Variants in CAMTA1 observed in about 807,000 individuals in gnomAD.
CAMTA1 encodes calmodulin binding transcription activator 1, also known as calmodulin-binding transcription activator 1.
Under a neutral mutation model 170.9 loss-of-function variants are expected in CAMTA1, and 27 were observed. The ratio of observed to expected loss-of-function variants is 0.16; its 90% CI spans 0.12 to 0.22. The LOEUF (loss-of-function observed/expected upper bound fraction) is 0.22, where lower values mean the gene tolerates loss of function less well. Ranked by LOEUF, CAMTA1 falls within the 10% of genes least tolerant of loss-of-function variation. CAMTA1 has a pLI of 1.00. For missense variants in CAMTA1, 1,619 were observed against 2,217.2 expected (o/e 0.73, Z 5.42); for synonymous variants, 833 against 891.5 (o/e 0.93, Z 1.17).
chr1:7,195,163 A>G lies in CAMTA1; in HGVS notation c.303-54328A>G, dbSNP rs1187437976. Among the ~76,000 whole-genome samples the G allele has an allele frequency of 6.6e-6, 1 of 152,192 alleles. No homozygotes were observed. The highest frequency in any genetic ancestry group is 2.4e-5 in the African/African-American group (1 of 41,448). On this transcript the variant is annotated intron_variant, in intron 4 of 22. Coordinates refer to ENST00000303635, the MANE Select transcript of CAMTA1 (RefSeq NM_015215.4). The surrounding 1 kb of genome is among the most constrained non-coding windows in gnomAD (Gnocchi z 4.1). ...CAGCAGGCGAGGTTTTCTGTCGTCC[A>G]GCACGTGCAAGAGAAGGGCTGGGCA... is the stretch of plus-strand genomic sequence containing the variant.
chr1:6,923,179 G>A (rs982677508), intron 3 of CAMTA1, among the ~76,000 whole-genome samples: 8 of 152,176 alleles, frequency 5.3e-5, no homozygotes, highest in Non-Finnish European at 1.5e-5. Context: ...TTGTGCACTT[G>A]TTGAGCGCTT....
chr1:7,495,671 A>C (rs72642898), intron 6 of CAMTA1, among the ~76,000 whole-genome samples: 4 of 152,344 alleles, frequency 2.6e-5, no homozygotes, highest in Non-Finnish European at 4.4e-5. Context: ...TTCCAGGCAA[A>C]GAAGGATCCA....
rs1558064120 is a variant in CAMTA1, at chr1:7,655,114, CTAT to C, written c.665-6611_665-6609del. On this transcript the variant is annotated intron_variant, in intron 7 of 22. Transcript: ENST00000303635. ...TATACACACACACCTATACACACAC[CTAT>C]ACACACACCTCTATACACACAAACC... Among the ~76,000 whole-genome samples, 17 of 22,940 alleles carry C rather than the reference CTAT, an allele frequency of 7.4e-4. 1 individual carries two copies. Among genetic ancestry groups the C allele is most frequent in the East Asian group, 8.2e-3 (2 of 244 alleles). The allele number at this position is 22,940 out of a possible 152,430, so 15.0% of individuals were successfully genotyped here. A position where few individuals can be genotyped will look rare whatever the true frequency, so the allele number is the denominator to read the frequency against.
At chr1:6,920,411 C>G (rs978744646) in intron 3 of CAMTA1, among the ~76,000 whole-genome samples, 1 of 152,216 alleles carries the variant, frequency 6.6e-6, no homozygotes, top group Non-Finnish European at 1.5e-5. Context: ...TCCCTCCTTG[C>G]TACTTTCACA....
intron 4 of CAMTA1, among the ~76,000 whole-genome samples, chr1:7,139,489 G>T (rs76769298): frequency 2.6e-5 from 4 of 151,708 alleles, no homozygotes; most frequent in Admixed American, 2.6e-4. Flanking sequence ...TTTTCCAGGG[G>T]CATGTTTGCT....
At chr1:6,852,208 T>G (rs933160848) in intron 3 of CAMTA1, among the ~76,000 whole-genome samples, 26 of 152,074 alleles carry the variant, frequency 1.7e-4, no homozygotes, top group African/African-American at 6.0e-4. Context: ...AGGACAAAAT[T>G]ATCACTTCTT....
rs112074994 is a variant in CAMTA1, at chr1:7,224,663, C to T, written c.303-24828C>T. Among the ~76,000 whole-genome samples, 4 of 152,186 alleles carry T rather than the reference C, an allele frequency of 2.6e-5. No homozygotes were observed. The highest frequency in any genetic ancestry group is 9.6e-5 in the African/African-American group (4 of 41,524). ...TGGAGGCGTGACACCCGCGCCTCTCCGCTGGTGTCATTGATTGCTAAGGGC... is the reference window on the plus strand; with the variant it reads ...TGGAGGCGTGACACCCGCGCCTCTCTGCTGGTGTCATTGATTGCTAAGGGC... On this transcript the variant is annotated intron_variant, in intron 4 of 22. Transcript: ENST00000303635. This position sits in a 1 kb window ranked among gnomAD's most constrained non-coding sequence, Gnocchi z 5.2.
chr1:7,634,292 G>C lies in CAMTA1; in HGVS notation c.511-6108G>C, dbSNP rs756358202. On this transcript the variant is annotated intron_variant, in intron 6 of 22. Transcript: ENST00000303635. The surrounding 1 kb of genome is among the most constrained non-coding windows in gnomAD (Gnocchi z 6.2). ...GGTGGGAGAAATGGCAGAACTGGGT[G>C]ATCGACTGGCCGTTGAGGGAGAGGG... 1.3e-5 allele frequency among the ~76,000 whole-genome samples: 2 copies of C among 152,134 alleles called. No individual in the cohort carries two copies. The highest frequency in any genetic ancestry group is 2.9e-5 in the Non-Finnish European group (2 of 68,022).
intron 6 of CAMTA1, among the ~76,000 whole-genome samples, chr1:7,615,502 G>A (rs980118162): frequency 5.9e-5 from 9 of 152,210 alleles, no homozygotes; most frequent in African/African-American, 2.2e-4. Flanking sequence ...AAGCATTCCC[G>A]GAGCTGTTAA....
At chr1:7,590,576 C>CA (rs2095348098) in intron 6 of CAMTA1, among the ~76,000 whole-genome samples, 1 of 152,242 alleles carries the variant, frequency 6.6e-6, no homozygotes, top group Non-Finnish European at 1.5e-5. Context: ...GAGGTGCCCC[C>CA]ACCCACTAGC....
chr1:7,285,002 A>G (rs1440814772), intron 5 of CAMTA1, among the ~76,000 whole-genome samples: 2 of 152,096 alleles, frequency 1.3e-5, no homozygotes, highest in African/African-American at 2.4e-5. Context: ...TGGGAAACCC[A>G]TTGGTTTCCA....
At chr1:7,365,427 G>C (rs950589470) in intron 5 of CAMTA1, among the ~76,000 whole-genome samples, 2 of 152,112 alleles carry the variant, frequency 1.3e-5, no homozygotes, top group African/African-American at 4.8e-5. Flanking sequence ...CTCCTGTTCT[G>C]ATTAAAACCT....
chr1:7,420,175 T>C (rs1480447415), intron 5 of CAMTA1, among the ~76,000 whole-genome samples: 1 of 152,038 alleles, frequency 6.6e-6, no homozygotes, highest in Non-Finnish European at 1.5e-5. Context: ...TCCTTTGGCC[T>C]TCACACTCAC....
At chr1:7,245,201 G>A (rs199587933) in intron 4 of CAMTA1, among the ~76,000 whole-genome samples, 3,885 of 147,070 alleles carry the variant, frequency 0.026, 56 homozygotes, top group Middle Eastern at 0.051. Context: ...ATGTGTGTGT[G>A]TATATATATA....
chr1:7,155,677 T>C (rs1186539371), intron 4 of CAMTA1, among the ~76,000 whole-genome samples: 1 of 151,972 alleles, frequency 6.6e-6, no homozygotes, highest in Non-Finnish European at 1.5e-5. Flanking sequence ...GTGATCCTCC[T>C]ACCTCAGCCT....
chr1:7,226,666 A>G (rs572324796), intron 4 of CAMTA1, among the ~76,000 whole-genome samples: 8 of 152,300 alleles, frequency 5.3e-5, no homozygotes, highest in East Asian at 1.9e-4. Flanking sequence ...GAAGAATTCT[A>G]TAGAAATGAG....
chr1:6,885,859 C>T (rs1673065611), intron 3 of CAMTA1, among the ~76,000 whole-genome samples: 1 of 152,162 alleles, frequency 6.6e-6, no homozygotes, highest in African/African-American at 2.4e-5. Context: ...CTGTTCCCTT[C>T]TCTGCACGAG....
chr1:6,962,309 C>G (rs1690569915), intron 3 of CAMTA1, among the ~76,000 whole-genome samples: 2 of 152,138 alleles, frequency 1.3e-5, no homozygotes, highest in Non-Finnish European at 2.9e-5. Context: ...AGGCTGGTCC[C>G]TGGGGCGAGG....
At chr1:7,102,713 C>T (rs1031136540) in intron 4 of CAMTA1, among the ~76,000 whole-genome samples, 9 of 152,164 alleles carry the variant, frequency 5.9e-5, no homozygotes, top group Non-Finnish European at 1.2e-4. Context: ...CTTCCACCTC[C>T]AGTGTCATGG....
Sources: allele counts gnomAD v4.1 joint callset (sites outside exome capture counted in the v4.1 genomes callset), GRCh38; gene constraint gnomAD v4.1.1; non-coding constraint Gnocchi (gnomAD v3.1); transcripts MANE v1.5; gene names NCBI Gene and HGNC (gene_info 2026-07-23, HGNC 2026-07-21).